Variants in KCNIP1 observed in about 807,000 individuals in gnomAD.
The protein encoded by KCNIP1 is A-type potassium channel modulatory protein KCNIP1.
In KCNIP1, 18 loss-of-function variants were observed where a neutral mutation model predicts 33.0. The observed-to-expected ratio is 0.55, with a 90% CI of 0.38 to 0.81. The LOEUF is 0.81. Ranked by LOEUF, KCNIP1 falls within the 30% of genes least tolerant of loss-of-function variation. The pLI is 0.00. For synonymous variants in KCNIP1, 93 were observed against 98.3 expected, an observed-to-expected ratio of 0.95 and a Z score of 0.32; for missense variants, 238 against 271.6, an observed-to-expected ratio of 0.88 and a Z score of 0.87.
At chr5:170,508,988 G>C (rs1419029029) in intron 1 of KCNIP1, among the ~76,000 whole-genome samples, 1 of 152,014 alleles carries the variant, frequency 6.6e-6, no homozygotes, top group Non-Finnish European at 1.5e-5. Flanking sequence ...TCTCTGCTTG[G>C]TTCTGTGCAC....
intron 1 of KCNIP1, among the ~76,000 whole-genome samples, chr5:170,602,734 C>T (rs867987142): frequency 9.2e-5 from 14 of 152,178 alleles, no homozygotes; most frequent in Admixed American, 6.5e-5. Flanking sequence ...TTGCCAGTCA[C>T]CTCATCTCAC....
At chr5:170,593,344 A>C (rs1758331395) in intron 1 of KCNIP1, among the ~76,000 whole-genome samples, 1 of 151,954 alleles carries the variant, frequency 6.6e-6, no homozygotes, top group Non-Finnish European at 1.5e-5. Flanking sequence ...GGGTCACCTC[A>C]CCTCCTTCCA....
intron 1 of KCNIP1, among the ~76,000 whole-genome samples, chr5:170,705,480 A>G (rs1457110355): frequency 6.6e-6 from 1 of 152,208 alleles, no homozygotes; most frequent in Non-Finnish European, 1.5e-5. Context: ...AGCCAGAGCC[A>G]GGAAATGTCC....
intron 1 of KCNIP1, among the ~76,000 whole-genome samples, chr5:170,535,724 G>A (rs1481816661): frequency 1.3e-5 from 2 of 152,140 alleles, no homozygotes; most frequent in South Asian, 4.1e-4. Flanking sequence ...TGATTATTCA[G>A]GGAGTGAGAA....
At chr5:170,562,613 C>T (rs564867876) in intron 1 of KCNIP1, among the ~76,000 whole-genome samples, 18 of 152,342 alleles carry the variant, frequency 1.2e-4, no homozygotes, top group African/African-American at 4.3e-4. Context: ...AGCCTGGCAT[C>T]CAATGGGTGC....
At chr5:170,497,768 C>G (rs1427888544) in intron 1 of KCNIP1, among the ~76,000 whole-genome samples, 1 of 152,204 alleles carries the variant, frequency 6.6e-6, no homozygotes, top group East Asian at 1.9e-4. Context: ...TACCCCTGCC[C>G]CCGCCTCACC....
chr5:170,562,902 C>T (rs956683029), intron 1 of KCNIP1, among the ~76,000 whole-genome samples: 1 of 152,184 alleles, frequency 6.6e-6, no homozygotes, highest in Non-Finnish European at 1.5e-5. Flanking sequence ...AGTCTCGAGC[C>T]CCAAGGCAGT....
intron 1 of KCNIP1, among the ~76,000 whole-genome samples, chr5:170,641,652 G>C (rs28558335): frequency 0.095 from 14,488 of 152,244 alleles, 1,280 homozygotes; most frequent in African/African-American, 0.24. Context: ...CTTGGTTGGG[G>C]GAGGCAAAGG....
intron 1 of KCNIP1, among the ~76,000 whole-genome samples, chr5:170,646,986 A>G (rs1358033181): frequency 6.6e-6 from 1 of 152,196 alleles, no homozygotes. Flanking sequence ...ACACACTACC[A>G]TTTACATTGG....
intron 1 of KCNIP1, among the ~76,000 whole-genome samples, chr5:170,441,419 TG>T (rs1232083308): frequency 1.5e-4 from 22 of 151,564 alleles, no homozygotes; most frequent in Admixed American, 5.9e-4. Context: ...TGGGGAGGGG[TG>T]GGGGGCCCAT....
chr5:170,358,154 T>C (rs1763398044), intron 1 of KCNIP1, among the ~76,000 whole-genome samples: 1 of 152,136 alleles, frequency 6.6e-6, no homozygotes, highest in Non-Finnish European at 1.5e-5. Context: ...CATCTCCTTC[T>C]GCACTGGGAA....
At position 170,714,452 on chromosome 5, in the gene KCNIP1, T is replaced by C. The variant is rs923656820; in HGVS notation, c.62-4306T>C. Among the ~76,000 whole-genome samples, 43 of 152,342 alleles carry C rather than the reference T, an allele frequency of 2.8e-4. 1 individual carries two copies. The highest frequency in any genetic ancestry group is 2.6e-4 in the Admixed American group (4 of 15,312). The stretch of plus-strand genomic sequence containing the variant: ...TTAGAAGAGATCTCCTATGCTAGAA[T>C]AGCTTAGCATTGGCTGGATGTGTTT... On this transcript the variant is annotated intron_variant, in intron 1 of 7. Coordinates refer to ENST00000328939, the MANE Select transcript of KCNIP1 (RefSeq NM_014592.4).
intron 1 of KCNIP1, among the ~76,000 whole-genome samples, chr5:170,423,941 A>C (rs1755556720): frequency 6.6e-6 from 1 of 152,238 alleles, no homozygotes; most frequent in Non-Finnish European, 1.5e-5. Flanking sequence ...TTCTAATGAG[A>C]ACAGAAATAA....
At chr5:170,363,853 CTAAACCCTTCCCCAT>C (rs918932835) in intron 1 of KCNIP1, among the ~76,000 whole-genome samples, 25 of 152,028 alleles carry the variant, frequency 1.6e-4, no homozygotes, top group Non-Finnish European at 4.4e-5. Flanking sequence ...ACTGCACCCA[CTAAACCCTTCCCCAT>C]TTCTGTCTAC....
intron 1 of KCNIP1, among the ~76,000 whole-genome samples, chr5:170,534,685 A>AT (rs1018476606): frequency 3.3e-5 from 5 of 150,980 alleles, no homozygotes; most frequent in South Asian, 2.1e-4. Context: ...TGCCCAGCTA[A>AT]TTTTTTTTTA....
At chr5:170,382,069 G>A (rs1764265324) in intron 1 of KCNIP1, among the ~76,000 whole-genome samples, 1 of 152,122 alleles carries the variant, frequency 6.6e-6, no homozygotes, top group Non-Finnish European at 1.5e-5. Context: ...CAGCCATCAA[G>A]TCCGGACTGT....
intron 1 of KCNIP1, among the ~76,000 whole-genome samples, chr5:170,559,300 C>T (rs566776758): frequency 1.6e-4 from 25 of 152,274 alleles, no homozygotes; most frequent in African/African-American, 6.0e-4. Flanking sequence ...CACAATAAAC[C>T]CATAATTAGT....
chr5:170,419,774 T>A (rs1042797124), intron 1 of KCNIP1, among the ~76,000 whole-genome samples: 4 of 152,230 alleles, frequency 2.6e-5, no homozygotes, highest in African/African-American at 9.6e-5. Context: ...AGGCCATGAT[T>A]TGTGGCTGTC....
intron 1 of KCNIP1, among the ~76,000 whole-genome samples, chr5:170,589,662 C>A (rs13188217): frequency 0.38 from 57,399 of 151,678 alleles, 11,116 homozygotes; most frequent in East Asian, 0.52. Context: ...AGGGCACAGA[C>A]TCGAATGAAA....
Sources: allele counts gnomAD v4.1 joint callset (sites outside exome capture counted in the v4.1 genomes callset), GRCh38; gene constraint gnomAD v4.1.1; transcripts MANE v1.5; gene names NCBI Gene and HGNC (gene_info 2026-07-23, HGNC 2026-07-21).